DNAH7: variants seen among roughly 807,000 people sequenced by gnomAD.
DNAH7 encodes dynein axonemal heavy chain 7.
DNAH7 carries 397 observed loss-of-function variants against 444.6 expected under a neutral mutation model. That is an observed-to-expected ratio of 0.89 (90% confidence interval 0.82 to 0.97). The LOEUF (loss-of-function observed/expected upper bound fraction) is 0.97. Among genes scored for constraint, DNAH7 ranks in the 50% least tolerant of loss-of-function variants. The probability of loss-of-function intolerance (pLI) is 0.00; values close to 1 mark genes in which losing one functional copy is unlikely to be tolerated. For missense variants in DNAH7, 4,902 were observed against 4,800.8 expected, an observed-to-expected ratio of 1.02 and a Z score of -0.62; for synonymous variants, 1,636 against 1,624.4, an observed-to-expected ratio of 1.01 and a Z score of -0.17.
intron 1 of DNAH7, among the ~76,000 whole-genome samples, chr2:196,066,980 G>A (rs1391152471): frequency 6.6e-6 from 1 of 152,170 alleles, no homozygotes; most frequent in East Asian, 1.9e-4. Flanking sequence ...CAGTGATAGA[G>A]GGCCCTCTGC....
intron 16 of DNAH7, among the ~76,000 whole-genome samples, chr2:195,971,872 A>G (rs1460373917): frequency 6.6e-6 from 1 of 152,198 alleles, no homozygotes; most frequent in Non-Finnish European, 1.5e-5. Flanking sequence ...AGCACATTTC[A>G]TCAAGGGAGC....
chr2:195,985,771 T>C (rs77980369), intron 14 of DNAH7, among the ~76,000 whole-genome samples: 1,649 of 152,304 alleles, frequency 0.011, 36 homozygotes, highest in East Asian at 0.075. Flanking sequence ...TCACCCAGCA[T>C]GAACAGCAAT....
chr2:195,884,142 T>G (rs1360483615), intron 35 of DNAH7, among the ~76,000 whole-genome samples: 1 of 152,224 alleles, frequency 6.6e-6, no homozygotes, highest in Non-Finnish European at 1.5e-5. Flanking sequence ...CAAAAACCAC[T>G]ACCACCCAAG....
At chr2:196,001,527 G>C (rs532520405) in intron 11 of DNAH7, 148 bp downstream of exon 11, 1 of 681,818 alleles carries the variant, frequency 1.5e-6, no homozygotes, top group East Asian at 3.3e-5. Flanking sequence ...ACCATGCCTG[G>C]CTGACAATTT....
At chr2:196,040,989 G>C (rs1696705008) in intron 5 of DNAH7, among the ~76,000 whole-genome samples, 2 of 151,576 alleles carry the variant, frequency 1.3e-5, no homozygotes, top group South Asian at 4.1e-4. Context: ...TACCTAGGAA[G>C]AAATTTAATC....
intron 38 of DNAH7, among the ~76,000 whole-genome samples, chr2:195,874,990 G>C (rs1559172119): frequency 6.6e-6 from 1 of 152,146 alleles, no homozygotes; most frequent in Non-Finnish European, 1.5e-5. Flanking sequence ...TTAAAAAATG[G>C]AATACTGGCT....
At chr2:195,910,511 G>A (rs1043954738) in intron 24 of DNAH7, among the ~76,000 whole-genome samples, 8 of 152,076 alleles carry the variant, frequency 5.3e-5, no homozygotes, top group Non-Finnish European at 1.0e-4. Flanking sequence ...ATATGGAAAT[G>A]TTACAGATAA....
chr2:195,956,894 T>C (rs1042791995), intron 19 of DNAH7, among the ~76,000 whole-genome samples: 1 of 152,176 alleles, frequency 6.6e-6, no homozygotes, highest in Non-Finnish European at 1.5e-5. Context: ...TACTGACATG[T>C]GTGCACCACA....
At position 195,884,752 on chromosome 2, in the gene DNAH7, GATC is replaced by G; in HGVS notation, c.5593_5595del (p.Asp1865del). The G allele has an allele frequency of 6.2e-7, 1 of 1,613,908 alleles. No homozygotes were observed. The highest frequency in any genetic ancestry group is 8.5e-7 in the Non-Finnish European group (1 of 1,179,990). On this transcript the variant is annotated inframe_deletion, in exon 35 of 65. Transcript: ENST00000312428. ...CGAAGAATCTTATTAAATTTCAATCGATCATCATCTGTACAAGAAGCACCAACG... is the reference window on the plus strand; with the variant it reads ...CGAAGAATCTTATTAAATTTCAATCGATCATCTGTACAAGAAGCACCAACG...
intron 19 of DNAH7, among the ~76,000 whole-genome samples, chr2:195,956,698 T>A (rs1690687404): frequency 6.6e-6 from 1 of 152,208 alleles, no homozygotes; most frequent in Non-Finnish European, 1.5e-5. Flanking sequence ...GTACTTTTTT[T>A]TAGTGTTACT....
At chr2:196,022,056 G>A (rs987156294) in intron 8 of DNAH7, among the ~76,000 whole-genome samples, 22 of 152,184 alleles carry the variant, frequency 1.4e-4, no homozygotes, top group Admixed American at 5.2e-4. Flanking sequence ...GAAACCCAGA[G>A]GCAGAGGTTG....
chr2:196,063,341 T>C (rs1167877101), intron 1 of DNAH7: 2 of 152,210 alleles, frequency 1.3e-5, no homozygotes, highest in Non-Finnish European at 2.9e-5. Context: ...TAGTTCAACA[T>C]ATTGGGTATC....
chr2:195,833,247 T>C (rs1165041747), intron 48 of DNAH7, among the ~76,000 whole-genome samples: 2 of 152,176 alleles, frequency 1.3e-5, no homozygotes, highest in East Asian at 1.9e-4. Flanking sequence ...ATTAAATGAA[T>C]GAAATAACAC....
rs748438230 is a variant in DNAH7 at position 196,000,874 on chromosome 2, T to A, written c.1183A>T (p.Arg395Ter). The part of the protein sequence containing the change: ...DLIAQPPDSV[R>*]AFEHPGFIMR... ...ATGAAACCTGGATGTTCAAAAGCTC[T>A]AACAGAATCCTGCAAAAAATTAAAA... Residue 395 changes from arginine (R) to a stop codon, truncating the protein, a stop_gained, in exon 12 of 65, where the codon AGA becomes TGA. Transcript: ENST00000312428. LOFTEE classifies it high-confidence loss of function. 7.6e-6 allele frequency: 12 copies of A among 1,569,692 alleles called. No individual in the cohort carries two copies. Among genetic ancestry groups the A allele is most frequent in the Non-Finnish European group, 1.0e-5 (12 of 1,163,300 alleles).
intron 19 of DNAH7, among the ~76,000 whole-genome samples, chr2:195,944,997 TTGAG>T (rs1044470025): frequency 6.6e-6 from 1 of 151,672 alleles, no homozygotes; most frequent in African/African-American, 2.4e-5. Flanking sequence ...ACATAATTGA[TTGAG>T]TGATTTTTAC....
In DNAH7 at chr2:195,886,259, G is replaced by A. The variant is rs539267617; in HGVS notation, c.5420C>T (p.Thr1807Ile). ...GGACCGGACCAAGTTTGTATCGGAA[G>A]TAGGAGATAATTCCTGAAAAGTCAG... Reference protein sequence around the residue: ...IRKHTKELSPTSDTNLVRSLM... With the variant: ...IRKHTKELSPISDTNLVRSLM... Residue 1807 changes from threonine to isoleucine, a missense_variant, in exon 34 of 65, where the codon ACT becomes ATT. Transcript: ENST00000312428. 31 of 1,611,452 alleles carry A rather than the reference G, an allele frequency of 1.9e-5. No individual in the cohort carries two copies. Among genetic ancestry groups the A allele is most frequent in the Non-Finnish European group, 2.4e-5 (28 of 1,179,172 alleles).
chr2:195,828,358 G>A (rs567761425), intron 48 of DNAH7, among the ~76,000 whole-genome samples: 47 of 152,206 alleles, frequency 3.1e-4, no homozygotes, highest in Non-Finnish European at 5.4e-4. Flanking sequence ...GCCGAGGCGG[G>A]CGGATCATGA....
rs1700759504 is a variant in DNAH7, at chr2:195,872,303, T to TTGACAAACAAACACCTTGAA, written c.6560_6579dup (p.Arg2194PhefsTer17). ...TCTGTGGTTTCTGTTGTTTCTGGTC[T>TTGACAAACAAACACCTTGAA]TGACAAACAAACACCTTGAATGACA... On this transcript the variant is annotated frameshift_variant, in exon 40 of 65. Transcript: ENST00000312428. LOFTEE classifies it high-confidence loss of function. 1 of 1,613,852 alleles carries TTGACAAACAAACACCTTGAA rather than the reference T, an allele frequency of 6.2e-7. No homozygotes were observed. The highest frequency in any genetic ancestry group is 1.3e-5 in the African/African-American group (1 of 74,920).
chr2:195,834,167 G>A (rs1353833879), intron 48 of DNAH7, 39 bp downstream of exon 48: 1 of 1,562,216 alleles, frequency 6.4e-7, no homozygotes, highest in Non-Finnish European at 8.7e-7. Flanking sequence ...GCCCTCTCCA[G>A]GCAGTTCTGT....
Sources: allele counts gnomAD v4.1 joint callset (sites outside exome capture counted in the v4.1 genomes callset), GRCh38; gene constraint gnomAD v4.1.1; transcripts MANE v1.5; gene names NCBI Gene and HGNC (gene_info 2026-07-23, HGNC 2026-07-21).